Variants in SBK1 observed in about 807,000 individuals in gnomAD.
SBK1 encodes SH3 domain binding kinase 1, also known as serine/threonine-protein kinase SBK1.
SBK1 carries 11 observed loss-of-function variants against 24.4 expected under a neutral mutation model. The ratio of observed to expected loss-of-function variants is 0.45; its 90% CI spans 0.28 to 0.75. The LOEUF (loss-of-function observed/expected upper bound fraction) is 0.75, where lower values mean the gene tolerates loss of function less well. SBK1 is among the 30% of genes least tolerant of loss of function. SBK1 has a pLI of 0.12. For missense variants in SBK1, 467 were observed against 620.5 expected, an observed-to-expected ratio of 0.75 and a Z score of 2.63; for synonymous variants, 308 against 284.4, an observed-to-expected ratio of 1.08 and a Z score of -0.83.
In SBK1 at chr16:28,319,936, C is replaced by G; in HGVS notation, c.430-140C>G. ...AAAGGGCGCTCAGCAGCATCCGGGC[C>G]GCGTCTGCGCGGTCGCCCCAGTTAC... On this transcript the variant is annotated intron_variant, in intron 3 of 3. Transcript: ENST00000341901. This position sits in a 1 kb window ranked among gnomAD's most constrained non-coding sequence, Gnocchi z 4.0. 1.3e-6 allele frequency: 1 copy of G among 749,574 alleles called. No homozygotes were observed. The highest frequency in any genetic ancestry group is 2.0e-6 in the Non-Finnish European group (1 of 492,942). 46.4% of individuals were successfully genotyped at this position (749,574 alleles called of 1,614,324 possible). A position where few individuals can be genotyped will look rare whatever the true frequency, so the allele number is the denominator to read the frequency against.
chr16:28,307,793 T>C (rs1326876493), intron 1 of SBK1, among the ~76,000 whole-genome samples: 1 of 151,502 alleles, frequency 6.6e-6, no homozygotes. Flanking sequence ...ATAAATAAAT[T>C]TCAAGATGCG....
intron 1 of SBK1, among the ~76,000 whole-genome samples, chr16:28,282,995 T>C (rs7204435): frequency 0.59 from 89,826 of 151,648 alleles, 27,075 homozygotes; most frequent in African/African-American, 0.63. Context: ...TGCAGTGGCG[T>C]GATCTCGGCT....
chr16:28,292,057 T>C (rs539887749), upstream of SBK1: 1 of 152,092 alleles, frequency 6.6e-6, no homozygotes, highest in Admixed American at 6.5e-5. Flanking sequence ...ATGAAATGCA[T>C]ATCCGAATGC....
Position 28,319,865 on chromosome 16 carries a change from A to T in SBK1, c.430-211A>T, listed in dbSNP as rs1411239925. 6.6e-6 allele frequency among the ~76,000 whole-genome samples: 1 copy of T among 152,018 alleles called. No homozygotes were observed. The highest frequency in any genetic ancestry group is 2.4e-5 in the African/African-American group (1 of 41,384). On this transcript the variant is annotated intron_variant, in intron 3 of 3. Coordinates refer to ENST00000341901, the MANE Select transcript of SBK1 (RefSeq NM_001024401.3). The surrounding 1 kb of genome is among the most constrained non-coding windows in gnomAD (Gnocchi z 4.0). Reference sequence around the variant, plus strand: ...TGGAGCCCCGATGTCCCCATAGGAGAAGCAGGCATGGTAGCCACTATGAGG... The same window carrying T: ...TGGAGCCCCGATGTCCCCATAGGAGTAGCAGGCATGGTAGCCACTATGAGG...
At chr16:28,306,533 G>A (rs1276334101) in intron 1 of SBK1, among the ~76,000 whole-genome samples, 1 of 152,172 alleles carries the variant, frequency 6.6e-6, no homozygotes, top group Non-Finnish European at 1.5e-5. Flanking sequence ...GTGGGAATGA[G>A]CCCACAAATC....
intron 1 of SBK1, among the ~76,000 whole-genome samples, chr16:28,267,610 A>G (rs960810492): frequency 6.6e-6 from 1 of 152,228 alleles, no homozygotes; most frequent in African/African-American, 2.4e-5. Context: ...GAAAATGGAG[A>G]AAATAGCAAC....
rs770197280 is a variant in SBK1, at chr16:28,320,289, A to G, written c.643A>G (p.Thr215Ala). ...VKRVSGTIPY[T>A]APEVCQAGRA... ...GCGCGTGAGCGGCACCATCCCTTAC[A>G]CGGCGCCTGAGGTGTGCCAGGCGGG... The change falls in exon 4 of 4, where the codon ACG (threonine) becomes GCG (alanine). Residue 215 changes from threonine (T) to alanine (A), a missense_variant. This residue lies in a region of SBK1 where 92 missense variants were observed against 193.8 expected (regional missense o/e 0.47). Coordinates refer to ENST00000341901, the MANE Select transcript of SBK1 (RefSeq NM_001024401.3). This position sits in a 1 kb window ranked among gnomAD's most constrained non-coding sequence, Gnocchi z 8.5. 2 of 1,589,960 alleles carry G rather than the reference A, an allele frequency of 1.3e-6. No homozygotes were observed. Among genetic ancestry groups the G allele is most frequent in the Admixed American group, 3.4e-5 (2 of 58,956 alleles).
chr16:28,265,844 C>T (rs1393535807), intron 1 of SBK1, among the ~76,000 whole-genome samples: 2 of 150,442 alleles, frequency 1.3e-5, no homozygotes, highest in African/African-American at 4.9e-5. Flanking sequence ...CGTGGTGGTA[C>T]GCACCTGTAA....
upstream of SBK1, chr16:28,292,501 G>A (rs1377777532): frequency 9.2e-6 from 9 of 976,894 alleles, no homozygotes; most frequent in East Asian, 1.2e-4. Context: ...GGGCAGGTGC[G>A]CGCTGGCTGG....
rs765417706 is a variant in SBK1 at position 28,292,791 on chromosome 16, GA to G, written c.-516del. On this transcript the variant is annotated 5_prime_UTR_variant, in exon 1 of 4. Coordinates refer to ENST00000341901, the MANE Select transcript of SBK1 (RefSeq NM_001024401.3). ...CCAGGATCCGGCGAGCCTCGGGGAA[GA>G]GGGGGGGCCCTCCCGGATCCGACAC... 74 of 985,336 alleles carry G rather than the reference GA, an allele frequency of 7.5e-5. No homozygotes were observed. Among genetic ancestry groups the G allele is most frequent in the Non-Finnish European group, 8.1e-5 (67 of 829,938 alleles). The allele number at this position is 985,336 out of a possible 1,614,324, so 61.0% of individuals were successfully genotyped here.
At chr16:28,289,263 T>C (rs1238660096), upstream of SBK1, among the ~76,000 whole-genome samples, 1 of 152,188 alleles carries the variant, frequency 6.6e-6, no homozygotes, top group Non-Finnish European at 1.5e-5. Context: ...AATCCCTCTA[T>C]TAGTTTATTT....
chr16:28,280,149 A>ATGTGTGTGTGTGTGTGTGTGTGTGTG (rs71380914), intron 1 of SBK1, among the ~76,000 whole-genome samples: 21 of 39,390 alleles, frequency 5.3e-4, no homozygotes, highest in South Asian at 8.4e-4. Context: ...ATATATATAT[A>ATGTGTGTGTGTGTGTGTGTGTGTGTG]TGTGTGTGTG....
chr16:28,266,900 A>T (rs61486086), intron 1 of SBK1, among the ~76,000 whole-genome samples: 7,195 of 150,580 alleles, frequency 0.048, 570 homozygotes, highest in African/African-American at 0.16. Flanking sequence ...GCCACACACC[A>T]CGGCTAATTT....
At chr16:28,295,966 C>T (rs2141577765) in intron 1 of SBK1, among the ~76,000 whole-genome samples, 1 of 145,430 alleles carries the variant, frequency 6.9e-6, no homozygotes, top group African/African-American at 2.6e-5. Flanking sequence ...ACTCTTGTTG[C>T]CCGGGCTGGA....
At chr16:28,260,075 T>C (rs776625746) in intron 1 of SBK1, among the ~76,000 whole-genome samples, 1 of 90,836 alleles carries the variant, frequency 1.1e-5, no homozygotes, top group Non-Finnish European at 2.6e-5. Context: ...TGCATGCATG[T>C]GTATTTGCTT....
In SBK1 at chr16:28,321,127, G is replaced by A. The variant is rs1467718627; in HGVS notation, c.*206G>A. The stretch of plus-strand genomic sequence containing the variant: ...CCCTAGCGCGGCCTGGTGAGCGGGG[G>A]CTTGGCCCAGAGGAGCCAAGCCGCA... On this transcript the variant is annotated 3_prime_UTR_variant, in exon 4 of 4. Transcript: ENST00000341901. 9.7e-6 allele frequency: 4 copies of A among 414,430 alleles called. No individual in the cohort carries two copies. Among genetic ancestry groups the A allele is most frequent in the Admixed American group, 1.0e-4 (2 of 19,940 alleles). The allele number at this position is 414,430 out of a possible 1,614,324, so 25.7% of individuals were successfully genotyped here. A position where few individuals can be genotyped will look rare whatever the true frequency, so the allele number is the denominator to read the frequency against.
rs540068880 is a variant in SBK1 at position 28,277,298 on chromosome 16, C to T, written c.257+17796C>T. ...GTGGCTGCGTGGGGACTTTTGAAAG[C>T]TCCCCGGAGTTTGAGAACCACGGTG... On this transcript the variant is annotated intron_variant, in intron 1 of 3. Transcript: ENST00000671413. Among the ~76,000 whole-genome samples, 6 of 151,826 alleles carry T rather than the reference C, an allele frequency of 4.0e-5. 1 individual carries two copies. The South Asian group carries it at 1.2e-3, about 32-fold the overall frequency.
At chr16:28,265,840 G>A (rs2044424641) in intron 1 of SBK1, among the ~76,000 whole-genome samples, 1 of 151,490 alleles carries the variant, frequency 6.6e-6, no homozygotes, top group Non-Finnish European at 1.5e-5. Flanking sequence ...CCCGCGTGGT[G>A]GTACGCACCT....
chr16:28,311,040 TGACACCTTGCGGA>T, intron 1 of SBK1, among the ~76,000 whole-genome samples: 1 of 152,098 alleles, frequency 6.6e-6, no homozygotes, highest in Non-Finnish European at 1.5e-5. Flanking sequence ...TGTCTCCTGC[TGACACCTTGCGGA>T]GAAAAGGCCT....
Sources: gnomAD v4.1 joint callset for allele counts (sites outside exome capture counted in the v4.1 genomes callset) on GRCh38, gnomAD v4.1.1 for gene constraint, gnomAD v4.1.1 regional missense constraint, Gnocchi (gnomAD v3.1) non-coding constraint, MANE v1.5 for transcripts, NCBI Gene and HGNC (gene_info 2026-07-23, HGNC 2026-07-21) for gene names.